Variants in PTPN5 observed in about 807,000 individuals in gnomAD.
The protein encoded by PTPN5 is tyrosine-protein phosphatase non-receptor type 5.
In PTPN5, 29 loss-of-function variants were observed where a neutral mutation model predicts 73.9. The observed-to-expected ratio is 0.39, with a 90% CI of 0.29 to 0.54. The LOEUF (loss-of-function observed/expected upper bound fraction) is 0.54, where lower values mean the gene tolerates loss of function less well. Among genes scored for constraint, PTPN5 ranks in the 20% least tolerant of loss-of-function variants. The probability of loss-of-function intolerance (pLI) is 0.65; values close to 1 mark genes in which losing one functional copy is unlikely to be tolerated. For synonymous variants in PTPN5, 267 were observed against 304.7 expected, an observed-to-expected ratio of 0.88 and a Z score of 1.29; for missense variants, 652 against 751.4, an observed-to-expected ratio of 0.87 and a Z score of 1.55.
chr11:18,774,959 G>C (rs1046464976), intron 1 of PTPN5, among the ~76,000 whole-genome samples: 4 of 152,222 alleles, frequency 2.6e-5, no homozygotes, highest in Non-Finnish European at 4.4e-5. Flanking sequence ...GCTCCCGACC[G>C]AAGAGGATAA....
chr11:18,744,254 C>A, intron 3 of PTPN5, 55 bp from the exon 4 acceptor site: 3 of 1,414,824 alleles, frequency 2.1e-6, no homozygotes, highest in Non-Finnish European at 1.8e-6. Context: ...ACAGGCAGGG[C>A]TCTGCCACCC....
At chr11:18,762,689 C>A (rs1205492782) in intron 3 of PTPN5, among the ~76,000 whole-genome samples, 1 of 152,184 alleles carries the variant, frequency 6.6e-6, no homozygotes, top group Admixed American at 6.5e-5. Flanking sequence ...AATGTCTGTA[C>A]AGCATTTGCT....
At chr11:18,745,890 G>A (rs1590524999) in intron 3 of PTPN5, among the ~76,000 whole-genome samples, 1 of 151,884 alleles carries the variant, frequency 6.6e-6, no homozygotes, top group Admixed American at 6.6e-5. Flanking sequence ...AGTCAGATAG[G>A]CTTCAGGCTA....
intron 3 of PTPN5, among the ~76,000 whole-genome samples, chr11:18,757,498 ACCCCAGATT>A (rs1164463481): frequency 6.6e-6 from 1 of 152,018 alleles, no homozygotes; most frequent in Non-Finnish European, 1.5e-5. Flanking sequence ...CATATTCAAA[ACCCCAGATT>A]CCCTGGTCAA....
chr11:18,785,530 T>C (rs1457282975), intron 1 of PTPN5, among the ~76,000 whole-genome samples: 1 of 152,244 alleles, frequency 6.6e-6, no homozygotes, highest in Admixed American at 6.5e-5. Context: ...GCATGGAGTA[T>C]GGTTATTTTC....
At chr11:18,732,900 T>C (rs994680502) in intron 11 of PTPN5, among the ~76,000 whole-genome samples, 198 bp from the exon 12 acceptor site, 2 of 152,216 alleles carry the variant, frequency 1.3e-5, no homozygotes, top group Non-Finnish European at 2.9e-5. Context: ...AAAACAGAAG[T>C]GCTACCCATC....
chr11:18,744,423 A>C (rs1207378181), intron 3 of PTPN5: 1 of 399,736 alleles, frequency 2.5e-6, no homozygotes, highest in Non-Finnish European at 4.4e-6. Flanking sequence ...CTCCAGTAAC[A>C]GAGTTAAAAT....
At position 18,746,160 on chromosome 11, in the gene PTPN5, TAA is replaced by T. The variant is rs1237784182; in HGVS notation, c.98-1963_98-1962del. 2.7e-3 allele frequency among the ~76,000 whole-genome samples: 232 copies of T among 86,030 alleles called. 2 individuals are homozygous for T. The highest frequency in any genetic ancestry group is 0.01 in the African/African-American group (222 of 21,870). The allele number at this position is 86,030 out of a possible 152,430, so 56.4% of individuals were successfully genotyped here. On this transcript the variant is annotated intron_variant, in intron 3 of 14. Coordinates refer to ENST00000358540, the MANE Select transcript of PTPN5 (RefSeq NM_006906.2). The stretch of plus-strand genomic sequence containing the variant: ...ATACTTTGAAAAGCTGTTATAAATA[TAA>T]ATATATATATATATATATATATATA...
At chr11:18,778,554 A>G (rs571883650) in intron 1 of PTPN5, among the ~76,000 whole-genome samples, 165 of 152,234 alleles carry the variant, frequency 1.1e-3, no homozygotes, top group Non-Finnish European at 2.1e-3. Flanking sequence ...TCCTGACGAG[A>G]GTTCTCACAA....
intron 3 of PTPN5, among the ~76,000 whole-genome samples, chr11:18,752,584 A>C (rs941392670): frequency 3.3e-5 from 5 of 152,258 alleles, no homozygotes; most frequent in Non-Finnish European, 7.3e-5. Context: ...CTTTCAAAAC[A>C]AAACACAACT....
chr11:18,759,559 G>A (rs779988594), intron 3 of PTPN5, among the ~76,000 whole-genome samples: 2 of 152,194 alleles, frequency 1.3e-5, no homozygotes, highest in Admixed American at 6.5e-5. Context: ...CAATGGCATC[G>A]TTACAGAATA....
At chr11:18,741,361 ACT>A (rs1380642145) in intron 7 of PTPN5, among the ~76,000 whole-genome samples, 9 of 152,086 alleles carry the variant, frequency 5.9e-5, no homozygotes, top group Middle Eastern at 3.4e-3. Flanking sequence ...CAATGGGCAA[ACT>A]CTACTATACT....
At chr11:18,781,073 C>A (rs1265212562) in intron 1 of PTPN5, among the ~76,000 whole-genome samples, 1 of 152,146 alleles carries the variant, frequency 6.6e-6, no homozygotes, top group Non-Finnish European at 1.5e-5. Flanking sequence ...GACACAGAGA[C>A]CTCTTTGAAA....
rs1323248469 is a variant in PTPN5 at position 18,744,365 on chromosome 11, C to T, written c.98-166G>A. 13 of 480,134 alleles carry T rather than the reference C, an allele frequency of 2.7e-5. No homozygotes were observed. In the Admixed American group the frequency reaches 4.3e-4, roughly 16 times the overall value. 29.7% of individuals were successfully genotyped at this position (480,134 alleles called of 1,614,324 possible). A position where few individuals can be genotyped will look rare whatever the true frequency, so the allele number is the denominator to read the frequency against. On this transcript the variant is annotated intron_variant, in intron 3 of 14. Coordinates refer to ENST00000358540, the MANE Select transcript of PTPN5 (RefSeq NM_006906.2). ...TAGCAAAGCAATATTCACCTACCTT[C>T]GTCAGAAAGAGCTAAGTGTGGGTGG... is the stretch of plus-strand genomic sequence containing the variant.
intron 1 of PTPN5, among the ~76,000 whole-genome samples, chr11:18,779,108 T>C (rs1222644185): frequency 6.6e-6 from 1 of 152,186 alleles, no homozygotes; most frequent in African/African-American, 2.4e-5. Context: ...TGCTCCCACC[T>C]GCAACTAGAG....
chr11:18,768,153 C>T (rs1370349474), intron 2 of PTPN5, among the ~76,000 whole-genome samples: 3 of 152,226 alleles, frequency 2.0e-5, no homozygotes, highest in African/African-American at 4.8e-5. Context: ...GTTGACCTGA[C>T]GTTCTTGAGA....
In PTPN5 at chr11:18,742,172, AC is replaced by A; in HGVS notation, c.725+89del. 1 of 1,550,910 alleles carries A rather than the reference AC, an allele frequency of 6.4e-7. No homozygotes were observed. Among genetic ancestry groups the A allele is most frequent in the Non-Finnish European group, 8.8e-7 (1 of 1,139,280 alleles). Reference sequence around the variant, plus strand: ...CTATAAGGCCAGCTCTGCCCTGGGCACCAGGAGTCAGAGTCAGGCATCCACT... The same window carrying A: ...CTATAAGGCCAGCTCTGCCCTGGGCACAGGAGTCAGAGTCAGGCATCCACT... On this transcript the variant is annotated intron_variant, in intron 7 of 14. Transcript: ENST00000358540. The surrounding 1 kb of genome is among the most constrained non-coding windows in gnomAD (Gnocchi z 4.1).
chr11:18,744,219 CG>C lies in PTPN5; in HGVS notation c.98-21del. The C allele has an allele frequency of 1.3e-6, 2 of 1,506,700 alleles. No individual in the cohort carries two copies. 93.3% of individuals were successfully genotyped at this position (1,506,700 alleles called of 1,614,324 possible). On this transcript the variant is annotated intron_variant, in intron 3 of 14. Transcript: ENST00000358540. ...GGAGACCTGTGGAAGATGGGCCATG[CG>C]GGCCGATGACTCCGGCCCTGTCCAC... is the stretch of plus-strand genomic sequence containing the variant.
At chr11:18,756,740 G>A (rs1286568787) in intron 3 of PTPN5, among the ~76,000 whole-genome samples, 1 of 151,888 alleles carries the variant, frequency 6.6e-6, no homozygotes, top group African/African-American at 2.4e-5. Flanking sequence ...GGCTAACACG[G>A]TGAAACCCCG....
Sources: gnomAD v4.1 joint callset for allele counts (sites outside exome capture counted in the v4.1 genomes callset) on GRCh38, gnomAD v4.1.1 for gene constraint, Gnocchi (gnomAD v3.1) non-coding constraint, MANE v1.5 for transcripts, NCBI Gene and HGNC (gene_info 2026-07-23, HGNC 2026-07-21) for gene names.